SYNPR: variants seen among roughly 807,000 people sequenced by gnomAD.
SYNPR encodes the protein synaptoporin.
In SYNPR, 23 loss-of-function variants were observed where a neutral mutation model predicts 32.9. The ratio of observed to expected loss-of-function variants is 0.70; its 90% CI spans 0.50 to 0.99. SYNPR has a LOEUF of 0.99. SYNPR is among the 50% of genes least tolerant of loss of function. SYNPR has a pLI of 0.00. For synonymous variants in SYNPR, 146 were observed against 135.9 expected (o/e 1.07, Z -0.52); for missense variants, 318 against 349.3 (o/e 0.91, Z 0.71).
intron 2 of SYNPR, among the ~76,000 whole-genome samples, chr3:63,471,025 T>C (rs1329320861): frequency 6.6e-6 from 1 of 152,248 alleles, no homozygotes; most frequent in African/African-American, 2.4e-5. Flanking sequence ...TCTTTTGCCA[T>C]GTAAGTAACT....
intron 2 of SYNPR, among the ~76,000 whole-genome samples, chr3:63,290,791 ATTCTTTGGATCTG>A (rs2086731185): frequency 6.6e-6 from 1 of 152,034 alleles, no homozygotes; most frequent in African/African-American, 2.4e-5. Context: ...GTGAGTCGTC[ATTCTTTGGATCTG>A]TTATTTGGAA....
chr3:63,344,223 G>T (rs1404520673), intron 2 of SYNPR, among the ~76,000 whole-genome samples: 1 of 152,112 alleles, frequency 6.6e-6, no homozygotes. Context: ...AAGACCCAAA[G>T]TATCAATAGC....
chr3:63,518,337 C>A (rs1036134440), intron 3 of SYNPR, among the ~76,000 whole-genome samples: 1 of 152,044 alleles, frequency 6.6e-6, no homozygotes, highest in Non-Finnish European at 1.5e-5. Flanking sequence ...GTCCTGAATT[C>A]TTGACTGCAA....
intron 3 of SYNPR, among the ~76,000 whole-genome samples, chr3:63,510,076 T>C (rs1559521276): frequency 6.6e-6 from 1 of 151,812 alleles, no homozygotes; most frequent in Non-Finnish European, 1.5e-5. Context: ...AAGAGTGGGG[T>C]TGATGGTGAG....
At chr3:63,413,820 T>G (rs1299696037) in intron 2 of SYNPR, among the ~76,000 whole-genome samples, 17 of 152,070 alleles carry the variant, frequency 1.1e-4, no homozygotes, top group Non-Finnish European at 2.4e-4. Context: ...TGCCCAGATG[T>G]GAAAGGCTCC....
chr3:63,236,725 T>C (rs760603308), intron 1 of SYNPR, among the ~76,000 whole-genome samples: 1 of 152,180 alleles, frequency 6.6e-6, no homozygotes, highest in Non-Finnish European at 1.5e-5. Flanking sequence ...TCCTGCAAGC[T>C]TGTTATACTC....
chr3:63,560,951 G>GC (rs1338219294), intron 4 of SYNPR, among the ~76,000 whole-genome samples: 1 of 152,124 alleles, frequency 6.6e-6, no homozygotes, highest in Admixed American at 6.6e-5. Flanking sequence ...CATTTTGGTT[G>GC]CCATCTATTT....
intron 2 of SYNPR, among the ~76,000 whole-genome samples, chr3:63,287,022 A>T (rs537627942): frequency 6.6e-6 from 1 of 152,246 alleles, no homozygotes; most frequent in Admixed American, 6.5e-5. Flanking sequence ...TTCCCTAAGG[A>T]ACTAAGTCCT....
intron 3 of SYNPR, among the ~76,000 whole-genome samples, chr3:63,487,005 C>T (rs1479566420): frequency 6.6e-6 from 1 of 152,126 alleles, no homozygotes. Context: ...TTTAGATCAG[C>T]CCATCCCAAA....
At chr3:63,276,155 A>T (rs1467300848), upstream of SYNPR, among the ~76,000 whole-genome samples, 1 of 152,188 alleles carries the variant, frequency 6.6e-6, no homozygotes, top group East Asian at 1.9e-4. Flanking sequence ...GGTAGAAGGA[A>T]ATAAGTTGGC....
At chr3:63,488,484 A>G (rs1262781934) in intron 3 of SYNPR, among the ~76,000 whole-genome samples, 1 of 152,210 alleles carries the variant, frequency 6.6e-6, no homozygotes, top group Non-Finnish European at 1.5e-5. Flanking sequence ...TGGGCAAGAC[A>G]TAACCCCCTA....
chr3:63,388,207 C>G (rs1405886744), intron 2 of SYNPR, among the ~76,000 whole-genome samples: 1 of 151,970 alleles, frequency 6.6e-6, no homozygotes, highest in Non-Finnish European at 1.5e-5. Context: ...CCTGAAGGAG[C>G]TGATGGCAGA....
At chr3:63,346,461 C>T (rs1560199762) in intron 2 of SYNPR, among the ~76,000 whole-genome samples, 1 of 152,024 alleles carries the variant, frequency 6.6e-6, no homozygotes, top group Non-Finnish European at 1.5e-5. Context: ...GAAATGCATA[C>T]TCCATTTATT....
intron 2 of SYNPR, among the ~76,000 whole-genome samples, chr3:63,364,394 C>A (rs1376479): frequency 0.76 from 115,680 of 152,078 alleles, 44,922 homozygotes; most frequent in East Asian, 0.97. Flanking sequence ...AGGACAAATA[C>A]TCAAATAGAT....
At chr3:63,249,818 A>T (rs1384143246) in intron 1 of SYNPR, among the ~76,000 whole-genome samples, 1 of 152,144 alleles carries the variant, frequency 6.6e-6, no homozygotes, top group Non-Finnish European at 1.5e-5. Flanking sequence ...TTTTTGCTTG[A>T]ATTTTTTTCA....
intron 2 of SYNPR, among the ~76,000 whole-genome samples, chr3:63,280,947 A>G (rs1207006506): frequency 1.3e-5 from 2 of 152,216 alleles, no homozygotes; most frequent in Non-Finnish European, 2.9e-5. Context: ...GCAAATTTTA[A>G]AAGTTAGATA....
chr3:63,490,396 C>T (rs1298197422), intron 3 of SYNPR, among the ~76,000 whole-genome samples: 2 of 151,968 alleles, frequency 1.3e-5, no homozygotes, highest in African/African-American at 2.4e-5. Flanking sequence ...GGAAAGGAGC[C>T]ATACAATTTG....
chr3:63,559,703 G>GTT (rs11376346), intron 4 of SYNPR, among the ~76,000 whole-genome samples: 3,239 of 144,872 alleles, frequency 0.022, 98 homozygotes, highest in African/African-American at 0.068. Flanking sequence ...TTGGGCAAGT[G>GTT]TTTTTTTTTT....
At chr3:63,426,590 A>C (rs1021033349) in intron 2 of SYNPR, 1 of 152,146 alleles carries the variant, frequency 6.6e-6, no homozygotes, top group Non-Finnish European at 1.5e-5. Context: ...TTCTCCATAC[A>C]TTGCATGTAC....
Sources: allele counts gnomAD v4.1 joint callset (sites outside exome capture counted in the v4.1 genomes callset), GRCh38; gene constraint gnomAD v4.1.1; transcripts MANE v1.5; gene names NCBI Gene and HGNC (gene_info 2026-07-23, HGNC 2026-07-21).